The following FAF1 variants were observed in gnomAD, a reference collection of about 807,000 sequenced individuals.
The protein encoded by FAF1 is Fas associated factor 1, also known as FAS-associated factor 1.
Under a neutral mutation model 92.5 loss-of-function variants are expected in FAF1, and 25 were observed. The ratio of observed to expected loss-of-function variants is 0.27; its 90% CI spans 0.20 to 0.38. The LOEUF is 0.38. FAF1 is among the 10% of genes least tolerant of loss of function. The pLI, the probability that FAF1 is intolerant of heterozygous loss-of-function variation, is 1.00. For synonymous variants in FAF1, 234 were observed against 273.2 expected (o/e 0.86, Z 1.42); for missense variants, 636 against 793.3 (o/e 0.80, Z 2.38).
chr1:50,616,637 G>A (rs1652924525), intron 8 of FAF1, among the ~76,000 whole-genome samples: 1 of 151,386 alleles, frequency 6.6e-6, no homozygotes, highest in Non-Finnish European at 1.5e-5. Flanking sequence ...CTCTCAGCCT[G>A]GGTGTTACTG....
At chr1:50,833,390 T>C (rs904216717) in intron 2 of FAF1, among the ~76,000 whole-genome samples, 4 of 148,718 alleles carry the variant, frequency 2.7e-5, no homozygotes, top group Admixed American at 6.7e-5. Flanking sequence ...ATACACAGGG[T>C]GGTAAGGTGT....
intron 7 of FAF1, among the ~76,000 whole-genome samples, chr1:50,663,906 G>C (rs1438603499): frequency 6.6e-6 from 1 of 151,074 alleles, no homozygotes; most frequent in Non-Finnish European, 1.5e-5. Flanking sequence ...ATTAGCCTAA[G>C]AAATTAATGA....
At chr1:50,904,336 A>G (rs1644818664) in intron 1 of FAF1, among the ~76,000 whole-genome samples, 1 of 152,204 alleles carries the variant, frequency 6.6e-6, no homozygotes, top group African/African-American at 2.4e-5. Context: ...AGAAAGTAGA[A>G]TGGTGGCTGC....
chr1:50,892,825 C>A (rs1644730384), intron 1 of FAF1, among the ~76,000 whole-genome samples: 1 of 152,050 alleles, frequency 6.6e-6, no homozygotes, highest in African/African-American at 2.4e-5. Flanking sequence ...TAGATTTGGC[C>A]TTTGAGGCTA....
intron 13 of FAF1, among the ~76,000 whole-genome samples, chr1:50,543,071 T>G (rs1648832405): frequency 6.6e-6 from 1 of 152,230 alleles, no homozygotes; most frequent in Non-Finnish European, 1.5e-5. Flanking sequence ...CATGTATTAA[T>G]CACTTGTAAA....
chr1:50,812,560 ATC>A (rs1052224808), intron 2 of FAF1, among the ~76,000 whole-genome samples: 1 of 152,200 alleles, frequency 6.6e-6, no homozygotes, highest in African/African-American at 2.4e-5. Flanking sequence ...TATTATTTAA[ATC>A]TCTAAAAATA....
At chr1:50,482,444 T>C (rs867193897) in intron 17 of FAF1, among the ~76,000 whole-genome samples, 5 of 152,152 alleles carry the variant, frequency 3.3e-5, no homozygotes, top group African/African-American at 9.7e-5. Flanking sequence ...TTCATACATA[T>C]TTTTGTATGA....
At chr1:50,792,147 C>T (rs1661586086) in intron 3 of FAF1, among the ~76,000 whole-genome samples, 1 of 152,110 alleles carries the variant, frequency 6.6e-6, no homozygotes, top group Non-Finnish European at 1.5e-5. Flanking sequence ...AGGATGGCTG[C>T]TTCTGACTCG....
chr1:50,669,302 G>T (rs1005667237), intron 7 of FAF1, among the ~76,000 whole-genome samples: 6 of 151,912 alleles, frequency 3.9e-5, no homozygotes, highest in Admixed American at 6.6e-5. Context: ...TAAAAAAAAA[G>T]ACCATATAAT....
At chr1:50,713,155 CA>C (rs371395514) in intron 6 of FAF1, among the ~76,000 whole-genome samples, 3,803 of 46,522 alleles carry the variant, frequency 0.082, 104 homozygotes, top group African/African-American at 0.25. Flanking sequence ...GCCAGACCCT[CA>C]AAAAAAAAAA....
chr1:50,566,158 T>G (rs1246953082), intron 13 of FAF1, among the ~76,000 whole-genome samples: 1 of 152,096 alleles, frequency 6.6e-6, no homozygotes, highest in African/African-American at 2.4e-5. Flanking sequence ...TGCCTCACAT[T>G]TAAGGAAAGA....
chr1:50,522,747 CTTTA>C (rs1647570144), intron 15 of FAF1, among the ~76,000 whole-genome samples: 1 of 152,046 alleles, frequency 6.6e-6, no homozygotes, highest in African/African-American at 2.4e-5. Context: ...TATTTGTGCT[CTTTA>C]TTATTATTGT....
intron 13 of FAF1, among the ~76,000 whole-genome samples, chr1:50,559,814 C>A (rs996646009): frequency 6.6e-6 from 1 of 152,122 alleles, no homozygotes; most frequent in African/African-American, 2.4e-5. Flanking sequence ...TGTTTTGGAA[C>A]CTTCATTTTA....
intron 2 of FAF1, among the ~76,000 whole-genome samples, chr1:50,831,548 C>T (rs1644153141): frequency 2.0e-5 from 3 of 152,088 alleles, no homozygotes; most frequent in Admixed American, 2.0e-4. Flanking sequence ...TGTTGGGTTT[C>T]TTTAAATGTC....
chr1:50,759,154 A>T (rs940991680), intron 4 of FAF1, among the ~76,000 whole-genome samples: 21 of 152,048 alleles, frequency 1.4e-4, no homozygotes, highest in East Asian at 3.9e-4. Flanking sequence ...TAATTTTTTT[A>T]AAATTATTAT....
intron 1 of FAF1, among the ~76,000 whole-genome samples, chr1:50,927,032 T>C (rs942357239): frequency 6.6e-6 from 1 of 152,140 alleles, no homozygotes; most frequent in Non-Finnish European, 1.5e-5. Flanking sequence ...CACTAAATAA[T>C]TCCACGTCTA....
chr1:50,957,552 G>A (rs560317713), intron 1 of FAF1, among the ~76,000 whole-genome samples: 4 of 151,580 alleles, frequency 2.6e-5, no homozygotes, highest in East Asian at 3.9e-4. Context: ...ACCGGGTTTC[G>A]CCATGTTCAC....
chr1:50,831,032 T>TA (rs1303025153), intron 2 of FAF1, among the ~76,000 whole-genome samples: 1 of 152,138 alleles, frequency 6.6e-6, no homozygotes, highest in Non-Finnish European at 1.5e-5. Flanking sequence ...AACAGATTTT[T>TA]AAAAATCACA....
At chr1:50,920,981 TA>T (rs757434599) in intron 1 of FAF1, among the ~76,000 whole-genome samples, 1 of 152,210 alleles carries the variant, frequency 6.6e-6, no homozygotes, top group Middle Eastern at 3.2e-3. Flanking sequence ...GAATTATAGC[TA>T]TCTTTTATCA....
Sources: allele counts gnomAD v4.1 joint callset (sites outside exome capture counted in the v4.1 genomes callset), GRCh38; gene constraint gnomAD v4.1.1; transcripts MANE v1.5; gene names NCBI Gene and HGNC (gene_info 2026-07-23, HGNC 2026-07-21).